THEM4: variants seen among roughly 807,000 people sequenced by gnomAD.
THEM4 encodes the protein thioesterase superfamily member 4.
Under a neutral mutation model 25.0 loss-of-function variants are expected in THEM4, and 22 were observed. The ratio of observed to expected loss-of-function variants is 0.88; its 90% confidence interval spans 0.63 to 1.26. The LOEUF (loss-of-function observed/expected upper bound fraction) is 1.26, where lower values mean the gene tolerates loss of function less well. Among genes scored for constraint, THEM4 ranks in the 50% most tolerant of loss-of-function variants. The pLI is 0.00. For synonymous variants in THEM4, 113 were observed against 105.6 expected (o/e 1.07, Z -0.43); for missense variants, 286 against 300.3 (o/e 0.95, Z 0.35).
chr1:151,880,599 G>C (rs1251220330), intron 4 of THEM4, among the ~76,000 whole-genome samples: 1 of 152,070 alleles, frequency 6.6e-6, no homozygotes, highest in Non-Finnish European at 1.5e-5. Flanking sequence ...TATTGATTTA[G>C]TTATTATTAC....
chr1:151,894,773 C>G (rs991738856), intron 2 of THEM4: 33 of 605,136 alleles, frequency 5.5e-5, no homozygotes, highest in Non-Finnish European at 8.7e-6. Flanking sequence ...TTTCTTCACT[C>G]TTGCTAATGG....
intron 4 of THEM4, among the ~76,000 whole-genome samples, chr1:151,886,097 G>A (rs1051882120): frequency 3.3e-5 from 5 of 152,158 alleles, no homozygotes; most frequent in Non-Finnish European, 7.3e-5. Flanking sequence ...TCAACTAACA[G>A]AAGACAATGG....
At chr1:151,894,818 T>G in intron 2 of THEM4, 190 bp downstream of exon 2, 1 of 664,172 alleles carries the variant, frequency 1.5e-6, no homozygotes, top group Non-Finnish European at 2.6e-6. Flanking sequence ...AGTCTTATTC[T>G]TGACAATAGG....
chr1:151,886,991 T>G (rs556414220), intron 4 of THEM4, among the ~76,000 whole-genome samples: 112 of 152,360 alleles, frequency 7.4e-4, no homozygotes, highest in South Asian at 1.4e-3. Context: ...GACATGACTT[T>G]GTATATAGAA....
Position 151,888,777 on chromosome 1 carries a change from A to G in THEM4, c.447-394T>C, listed in dbSNP as rs553951583. 2.7e-3 allele frequency among the ~76,000 whole-genome samples: 413 copies of G among 152,304 alleles called. 2 individuals are homozygous for G. The highest frequency in any genetic ancestry group is 4.9e-3 in the Non-Finnish European group (333 of 68,016). ...CAGGAGTTCGAGGCTGCAGTGAGCT[A>G]TGATTATGCCACTGCACTTCAGCCT... On this transcript the variant is annotated intron_variant, in intron 3 of 5. Coordinates refer to ENST00000368814, the MANE Select transcript of THEM4 (RefSeq NM_053055.5).
At chr1:151,897,359 A>AGCTTGGTGG in intron 1 of THEM4, among the ~76,000 whole-genome samples, 1 of 152,328 alleles carries the variant, frequency 6.6e-6, no homozygotes, top group African/African-American at 2.4e-5. Context: ...CTTGGTGGGA[A>AGCTTGGTGG]GAATACAGAG....
intron 4 of THEM4, among the ~76,000 whole-genome samples, chr1:151,886,019 CAG>C (rs1316917515): frequency 6.6e-6 from 1 of 152,052 alleles, no homozygotes; most frequent in Non-Finnish European, 1.5e-5. Flanking sequence ...TACAAAAAAA[CAG>C]AGAGTGATAA....
At chr1:151,883,404 G>A (rs1291237619) in intron 4 of THEM4, among the ~76,000 whole-genome samples, 7 of 151,734 alleles carry the variant, frequency 4.6e-5, no homozygotes, top group South Asian at 2.1e-4. Flanking sequence ...CGTGAGCCAC[G>A]GTGCCCAGCC....
chr1:151,906,531 G>A lies in THEM4; in HGVS notation c.99+2829C>T, dbSNP rs538071877. 3.9e-5 allele frequency among the ~76,000 whole-genome samples: 6 copies of A among 152,160 alleles called. No homozygotes were observed. In the South Asian group the frequency reaches 6.2e-4, roughly 16 times the overall value. ...GGGCTGAGGAGTGTGGGCACACAGC[G>A]TGGGACTGGCAGGCAGTTCCACCTG... On this transcript the variant is annotated intron_variant, in intron 1 of 5. Coordinates refer to ENST00000368814, the MANE Select transcript of THEM4 (RefSeq NM_053055.5).
intron 4 of THEM4, among the ~76,000 whole-genome samples, chr1:151,886,584 T>C (rs914463847): frequency 1.3e-5 from 2 of 152,202 alleles, no homozygotes; most frequent in African/African-American, 4.8e-5. Flanking sequence ...GAATCTAATT[T>C]ATAGTTATAA....
chr1:151,880,693 C>T (rs902531728), intron 4 of THEM4, among the ~76,000 whole-genome samples: 2 of 152,106 alleles, frequency 1.3e-5, no homozygotes, highest in African/African-American at 2.4e-5. Flanking sequence ...ATTATTTTTT[C>T]TGATCCCAGT....
At chr1:151,901,745 A>T (rs1654357171) in intron 1 of THEM4, among the ~76,000 whole-genome samples, 1 of 152,204 alleles carries the variant, frequency 6.6e-6, no homozygotes, top group South Asian at 2.1e-4. Context: ...CAGGAGACCG[A>T]GGCAGGAGAA....
chr1:151,893,892 C>T (rs1654153380), intron 2 of THEM4, among the ~76,000 whole-genome samples: 1 of 151,368 alleles, frequency 6.6e-6, no homozygotes, highest in Non-Finnish European at 1.5e-5. Flanking sequence ...GACAGTCTCA[C>T]TCTGTTGCCC....
chr1:151,876,961 CCAACT>C lies in THEM4; in HGVS notation c.682+35_682+39del, dbSNP rs1558187768. The C allele has an allele frequency of 2.6e-6, 4 of 1,561,006 alleles. 1 individual carries two copies. Among genetic ancestry groups the C allele is most frequent in the East Asian group, 4.6e-5 (2 of 43,542 alleles). On this transcript the variant is annotated intron_variant, in intron 5 of 5. Coordinates refer to ENST00000368814, the MANE Select transcript of THEM4 (RefSeq NM_053055.5). ...AACCAACCAAAACTCCCAACCCAAC[CCAACT>C]AAACCCCAAGAAAGAGATAAGACCA...
chr1:151,900,125 C>T (rs1654319677), intron 1 of THEM4, among the ~76,000 whole-genome samples: 1 of 152,184 alleles, frequency 6.6e-6, no homozygotes, highest in African/African-American at 2.4e-5. Flanking sequence ...TCGCCATTAT[C>T]AAGCCACCAT....
At chr1:151,878,800 A>C (rs1653742773) in intron 4 of THEM4, among the ~76,000 whole-genome samples, 2 of 152,112 alleles carry the variant, frequency 1.3e-5, no homozygotes, top group African/African-American at 2.4e-5. Context: ...ACACTTAATT[A>C]GATTTGTATT....
At chr1:151,898,411 C>T (rs921205100) in intron 1 of THEM4, among the ~76,000 whole-genome samples, 1 of 152,286 alleles carries the variant, frequency 6.6e-6, no homozygotes, top group South Asian at 2.1e-4. Flanking sequence ...TCACTGCCAT[C>T]CCCCACAGAA....
At position 151,895,005 on chromosome 1, in the gene THEM4, T is replaced by C. The variant is rs777652870; in HGVS notation, c.286+3A>G. 1.9e-6 allele frequency: 3 copies of C among 1,614,024 alleles called. No homozygotes were observed. Among genetic ancestry groups the C allele is most frequent in the African/African-American group, 2.7e-5 (2 of 74,922 alleles). On this transcript the variant is annotated splice_donor_region_variant and intron_variant, in intron 2 of 5. Coordinates refer to ENST00000368814, the MANE Select transcript of THEM4 (RefSeq NM_053055.5). Reference sequence around the variant, plus strand: ...ATATTAATGGGAAAGTGGCTGTTTCTACCAAGAAAATGGGTTTTGAAGTCT... The same window carrying C: ...ATATTAATGGGAAAGTGGCTGTTTCCACCAAGAAAATGGGTTTTGAAGTCT...
At position 151,871,604 on chromosome 1, in the gene THEM4, G is replaced by C. The variant is rs1285471860; in HGVS notation, c.*3284C>G. Among the ~76,000 whole-genome samples the C allele has an allele frequency of 6.6e-6, 1 of 152,222 alleles. No homozygotes were observed. The highest frequency in any genetic ancestry group is 2.4e-5 in the African/African-American group (1 of 41,456). Reference sequence around the variant, plus strand: ...GCCATTTTTCCCTCACTGGCTATGGGGAACCCTATGTTAACAGTGACTGAG... The same window carrying C: ...GCCATTTTTCCCTCACTGGCTATGGCGAACCCTATGTTAACAGTGACTGAG... On this transcript the variant is annotated 3_prime_UTR_variant, in exon 6 of 6. Coordinates refer to ENST00000368814, the MANE Select transcript of THEM4 (RefSeq NM_053055.5).
Sources: allele counts gnomAD v4.1 joint callset (sites outside exome capture counted in the v4.1 genomes callset), GRCh38; gene constraint gnomAD v4.1.1; transcripts MANE v1.5; gene names NCBI Gene and HGNC (gene_info 2026-07-23, HGNC 2026-07-21).